ONECUT3: variants seen among roughly 807,000 people sequenced by gnomAD.
The protein encoded by ONECUT3 is one cut domain family member 3.
ONECUT3 carries 11 observed loss-of-function variants against 16.8 expected under a neutral mutation model. The observed-to-expected ratio is 0.66, with a 90% confidence interval of 0.41 to 1.09. The LOEUF is 1.09. ONECUT3 is among the 50% of genes least tolerant of loss of function. The probability of loss-of-function intolerance (pLI) is 0.00; values close to 1 mark genes in which losing one functional copy is unlikely to be tolerated. For missense variants in ONECUT3, 637 were observed against 629.9 expected (o/e 1.01, Z -0.12); for synonymous variants, 344 against 310.7 (o/e 1.11, Z -1.13).
At position 1,764,887 on chromosome 19, in the gene ONECUT3, C is replaced by A. The variant is rs376292349; in HGVS notation, c.1192+10033C>A. Among the ~76,000 whole-genome samples the A allele has an allele frequency of 6.6e-6, 1 of 151,842 alleles. No individual in the cohort carries two copies. The highest frequency in any genetic ancestry group is 1.5e-5 in the Non-Finnish European group (1 of 67,958). On this transcript the variant is annotated intron_variant, in intron 1 of 1. Coordinates refer to ENST00000382349, the MANE Select transcript of ONECUT3 (RefSeq NM_001080488.2). This position sits in a 1 kb window ranked among gnomAD's most constrained non-coding sequence, Gnocchi z 5.0. Reference sequence around the variant, plus strand: ...ACATCTGGGGCAGGGCAGCTGGTGGCGGGGACAGGACGCGTCGCCAAGGAA... The same window carrying A: ...ACATCTGGGGCAGGGCAGCTGGTGGAGGGGACAGGACGCGTCGCCAAGGAA...
rs959842864 is a variant in ONECUT3, at chr19:1,778,441, A to C, written c.*2996A>C. On this transcript the variant is annotated 3_prime_UTR_variant, in exon 2 of 2. Coordinates refer to ENST00000382349, the MANE Select transcript of ONECUT3 (RefSeq NM_001080488.2). ...AAGGCAATAAAATGCTTCTGATCCA[A>C]GAGAATCACGCTGCAGCCCTGGCCC... 1 of 152,202 alleles carries C rather than the reference A, an allele frequency of 6.6e-6. No homozygotes were observed. Among genetic ancestry groups the C allele is most frequent in the Non-Finnish European group, 1.5e-5 (1 of 68,084 alleles). 9.4% of individuals were successfully genotyped at this position (152,202 alleles called of 1,614,324 possible).
Position 1,753,710 on chromosome 19 carries a change from C to G in ONECUT3, c.48C>G (p.His16Gln). The change falls in exon 1 of 2, where the codon CAC (histidine) becomes CAG (glutamine). Residue 16 changes from histidine (H) to glutamine (Q), a missense_variant. Physicochemically the swap from His to Gln is conservative, Grantham distance 24. Transcript: ENST00000382349. Reference sequence around the variant, plus strand: ...TGGGGGGCCTGCACAGCGTGGCCCACGCGCAGGCGGGCGAGCTGCTGAGCC... The same window carrying G: ...TGGGGGGCCTGCACAGCGTGGCCCAGGCGCAGGCGGGCGAGCTGCTGAGCC... ...ESLGGLHSVAHAQAGELLSPG... is the reference protein window; with the variant it reads ...ESLGGLHSVAQAQAGELLSPG... The G allele has an allele frequency of 1.9e-6, 2 of 1,042,080 alleles. No individual in the cohort carries two copies. The highest frequency in any genetic ancestry group is 2.3e-6 in the Non-Finnish European group (2 of 868,766). The allele number at this position is 1,042,080 out of a possible 1,614,324, so 64.6% of individuals were successfully genotyped here.
chr19:1,773,403 G>T (rs946472590), intron 1 of ONECUT3, among the ~76,000 whole-genome samples: 1 of 152,236 alleles, frequency 6.6e-6, no homozygotes, highest in Non-Finnish European at 1.5e-5. Flanking sequence ...AGGTCAGAGG[G>T]AGTGAAGTGT....
rs568874225 is a variant in ONECUT3, at chr19:1,762,943, G to A, written c.1192+8089G>A. On this transcript the variant is annotated intron_variant, in intron 1 of 1. Transcript: ENST00000382349. This position sits in a 1 kb window ranked among gnomAD's most constrained non-coding sequence, Gnocchi z 4.4. Reference sequence around the variant, plus strand: ...AAAATATTCTACATTCTTTTGGCCCGGCGGGGAGGCTCAAACCTGTAGTCC... The same window carrying A: ...AAAATATTCTACATTCTTTTGGCCCAGCGGGGAGGCTCAAACCTGTAGTCC... Among the ~76,000 whole-genome samples the A allele has an allele frequency of 2.6e-5, 4 of 152,314 alleles. No homozygotes were observed. Among genetic ancestry groups the A allele is most frequent in the South Asian group, 4.1e-4 (2 of 4,832 alleles).
rs1207108471 is a variant in ONECUT3 at position 1,766,695 on chromosome 19, A to C, written c.1193-8458A>C. Among the ~76,000 whole-genome samples the C allele has an allele frequency of 1.3e-5, 2 of 151,656 alleles. No individual in the cohort carries two copies. Among genetic ancestry groups the C allele is most frequent in the South Asian group, 2.1e-4 (1 of 4,806 alleles). On this transcript the variant is annotated intron_variant, in intron 1 of 1. Coordinates refer to ENST00000382349, the MANE Select transcript of ONECUT3 (RefSeq NM_001080488.2). This position sits in a 1 kb window ranked among gnomAD's most constrained non-coding sequence, Gnocchi z 4.0. ...AGCAATGACTGAATTCAGGGCCCCT[A>C]CTCAGCTACTGGCTTCCTGCTGAGG...
rs1264167930 is a variant in ONECUT3 at position 1,753,625 on chromosome 19, G to A, written c.-38G>A. 3.4e-6 allele frequency: 3 copies of A among 879,562 alleles called. No homozygotes were observed. Among genetic ancestry groups the A allele is most frequent in the South Asian group, 5.2e-5 (1 of 19,254 alleles). 54.5% of individuals were successfully genotyped at this position (879,562 alleles called of 1,614,324 possible). A position where few individuals can be genotyped will look rare whatever the true frequency, so the allele number is the denominator to read the frequency against. ...GCAGCGGCCTTGAGCACTAGGGGCC[G>A]GCGCTGAGGAGCGCGCGCGGCGGGA... is the stretch of plus-strand genomic sequence containing the variant. On this transcript the variant is annotated 5_prime_UTR_variant, in exon 1 of 2. Transcript: ENST00000382349.
intron 1 of ONECUT3, among the ~76,000 whole-genome samples, chr19:1,774,365 G>A (rs1051190764): frequency 6.6e-6 from 1 of 151,702 alleles, no homozygotes; most frequent in Admixed American, 6.6e-5. Context: ...AGGATCACTT[G>A]AGGCCAGGCG....
rs1484802276 is a variant in ONECUT3 at position 1,753,691 on chromosome 19, G to C, written c.29G>C (p.Gly10Ala). 1 of 1,050,754 alleles carries C rather than the reference G, an allele frequency of 9.5e-7. No homozygotes were observed. The highest frequency in any genetic ancestry group is 1.7e-5 in the African/African-American group (1 of 58,164). The allele number at this position is 1,050,754 out of a possible 1,614,324, so 65.1% of individuals were successfully genotyped here. The change falls in exon 1 of 2, where the codon GGC becomes GCC. Residue 10 changes from glycine to alanine, a missense_variant. Transcript: ENST00000382349. ...GAGCTGAGCCTGGAGAGCCTGGGGG[G>C]CCTGCACAGCGTGGCCCACGCGCAG... MELSLESLG[G>A]LHSVAHAQAG...
chr19:1,767,832 G>A (rs2068007000), intron 1 of ONECUT3, among the ~76,000 whole-genome samples: 1 of 152,116 alleles, frequency 6.6e-6, no homozygotes, highest in Non-Finnish European at 1.5e-5. Flanking sequence ...GCGTTTGCCG[G>A]GCTCCCTGTG....
chr19:1,765,083 C>CACTGT (rs2067973844), intron 1 of ONECUT3, among the ~76,000 whole-genome samples: 1 of 152,112 alleles, frequency 6.6e-6, no homozygotes, highest in Admixed American at 6.5e-5. Context: ...GACTGTCGGG[C>CACTGT]ACAGAGGGAC....
At position 1,754,178 on chromosome 19, in the gene ONECUT3, C is replaced by G; in HGVS notation, c.516C>G (p.Arg172=). The G allele has an allele frequency of 8.7e-7, 1 of 1,150,940 alleles. No homozygotes were observed. Among genetic ancestry groups the G allele is most frequent in the Non-Finnish European group, 1.1e-6 (1 of 926,586 alleles). 71.3% of individuals were successfully genotyped at this position (1,150,940 alleles called of 1,614,324 possible). A position where few individuals can be genotyped will look rare whatever the true frequency, so the allele number is the denominator to read the frequency against. Residue 172 remains arginine, a synonymous_variant, in exon 1 of 2, where the codon CGC becomes CGG. Transcript: ENST00000382349. This position sits in a 1 kb window ranked among gnomAD's most constrained non-coding sequence, Gnocchi z 7.4. ...TGAGCGGCAGCTTCACCCTCATGCGCGACGAGCGGGCGGCGCTCGCCTCCG... is the reference window on the plus strand; with the variant it reads ...TGAGCGGCAGCTTCACCCTCATGCGGGACGAGCGGGCGGCGCTCGCCTCCG... The part of the protein sequence containing the change: ...ASVSGSFTLM[R]DERAALASVG...
chr19:1,772,611 T>G (rs923916785), intron 1 of ONECUT3, among the ~76,000 whole-genome samples: 5 of 151,740 alleles, frequency 3.3e-5, no homozygotes, highest in African/African-American at 4.8e-5. Flanking sequence ...TAATTCATCC[T>G]CTAACTTTTT....
chr19:1,771,581 G>C (rs1333696670), intron 1 of ONECUT3, among the ~76,000 whole-genome samples: 2 of 152,084 alleles, frequency 1.3e-5, no homozygotes, highest in East Asian at 3.8e-4. Flanking sequence ...CTTTCCTCTA[G>C]GCGCTTTTTA....
chr19:1,776,128 GCCTGCGGCGGGCGC>G lies in ONECUT3; in HGVS notation c.*686_*699del, dbSNP rs1245921846. Reference sequence around the variant, plus strand: ...CGCCTGCCTTAAAGTCTGGGGAGGGGCCTGCGGCGGGCGCCCAGCACCTACGGGCGAGCACCCTT... The same window carrying G: ...CGCCTGCCTTAAAGTCTGGGGAGGGGCCAGCACCTACGGGCGAGCACCCTT... On this transcript the variant is annotated 3_prime_UTR_variant, in exon 2 of 2. Coordinates refer to ENST00000382349, the MANE Select transcript of ONECUT3 (RefSeq NM_001080488.2). This position sits in a 1 kb window ranked among gnomAD's most constrained non-coding sequence, Gnocchi z 4.9. The G allele has an allele frequency of 6.6e-6, 1 of 152,180 alleles. No individual in the cohort carries two copies. The highest frequency in any genetic ancestry group is 2.4e-5 in the African/African-American group (1 of 41,408). The allele number at this position is 152,180 out of a possible 1,614,324, so 9.4% of individuals were successfully genotyped here. A position where few individuals can be genotyped will look rare whatever the true frequency, so the allele number is the denominator to read the frequency against.
intron 1 of ONECUT3, among the ~76,000 whole-genome samples, chr19:1,769,348 G>A (rs936628060): frequency 6.6e-6 from 1 of 152,018 alleles, no homozygotes; most frequent in African/African-American, 2.4e-5. Flanking sequence ...AGGAGAGGAC[G>A]GAGGTGGAGA....
At position 1,759,337 on chromosome 19, in the gene ONECUT3, C is replaced by G. The variant is rs375322080; in HGVS notation, c.1192+4483C>G. 4.7e-4 allele frequency among the ~76,000 whole-genome samples: 72 copies of G among 152,130 alleles called. No homozygotes were observed. The East Asian group carries it at 0.01, about 21-fold the overall frequency. ...GGCCCTCCCTCCCCGGCTTCTCCCC[C>G]CTACCCGCTGCCACCATCAAGGGCT... is the stretch of plus-strand genomic sequence containing the variant. On this transcript the variant is annotated intron_variant, in intron 1 of 1. Coordinates refer to ENST00000382349, the MANE Select transcript of ONECUT3 (RefSeq NM_001080488.2). The surrounding 1 kb of genome is among the most constrained non-coding windows in gnomAD (Gnocchi z 4.1).
intron 1 of ONECUT3, among the ~76,000 whole-genome samples, chr19:1,767,665 G>A (rs889675450): frequency 6.6e-5 from 10 of 152,186 alleles, no homozygotes; most frequent in Non-Finnish European, 1.2e-4. Context: ...CTGAGCGAAG[G>A]GGCGGCCACA....
At chr19:1,775,035 C>T in intron 1 of ONECUT3, 118 bp from the exon 2 acceptor site, 1 of 624,202 alleles carries the variant, frequency 1.6e-6, no homozygotes, top group South Asian at 2.1e-5. Context: ...CTTTCCCCAA[C>T]GTGTCCCTTC....
chr19:1,754,360 A>G lies in ONECUT3; in HGVS notation c.698A>G (p.His233Arg). ...CTGGCCGCCTACGGCCCGCCAGGCC[A>G]CCTGGCTGGGGACAAGCTGCTGCCG... ...PPLAAYGPPG[H>R]LAGDKLLPPA... is the part of the protein sequence containing the mutation. The change falls in exon 1 of 2, where the codon CAC becomes CGC. Residue 233 changes from histidine to arginine, a missense_variant. By Grantham distance (29) the His-to-Arg change is conservative. Coordinates refer to ENST00000382349, the MANE Select transcript of ONECUT3 (RefSeq NM_001080488.2). This position sits in a 1 kb window ranked among gnomAD's most constrained non-coding sequence, Gnocchi z 7.4. The G allele has an allele frequency of 1.8e-6, 2 of 1,088,022 alleles. No homozygotes were observed. Among genetic ancestry groups the G allele is most frequent in the Non-Finnish European group, 2.2e-6 (2 of 892,890 alleles). The allele number at this position is 1,088,022 out of a possible 1,614,324, so 67.4% of individuals were successfully genotyped here.
Sources: gnomAD v4.1 joint callset for allele counts (sites outside exome capture counted in the v4.1 genomes callset) on GRCh38, gnomAD v4.1.1 for gene constraint, Gnocchi (gnomAD v3.1) non-coding constraint, MANE v1.5 for transcripts, NCBI Gene and HGNC (gene_info 2026-07-23, HGNC 2026-07-21) for gene names.